The following OR9Q1 variants were observed in gnomAD, a reference collection of about 807,000 sequenced individuals.
OR9Q1 encodes the protein olfactory receptor 9Q1.
For synonymous variants in OR9Q1, 153 were observed against 148.6 expected, an observed-to-expected ratio of 1.03 and a Z score of -0.22; for missense variants, 374 against 378.8, an observed-to-expected ratio of 0.99 and a Z score of 0.11.
chr11:58,140,558 G>T (rs556889128), intron 2 of OR9Q1, among the ~76,000 whole-genome samples: 17 of 152,204 alleles, frequency 1.1e-4, no homozygotes, highest in East Asian at 5.8e-4. Flanking sequence ...TTTCCCCATT[G>T]CTTGTTTTTG....
intron 2 of OR9Q1, among the ~76,000 whole-genome samples, chr11:58,071,815 A>C (rs1285001094): frequency 1.3e-5 from 2 of 152,242 alleles, no homozygotes; most frequent in African/African-American, 4.8e-5. Flanking sequence ...ACAAAATTAG[A>C]CAAATCTATC....
Position 58,180,290 on chromosome 11 carries a change from C to T in OR9Q1, c.846C>T (p.Pro282=). ...VVSVLYTEVI[P]MLNPLIYSLR... ...CTGTGCTTTACACAGAGGTCATCCC[C>T]ATGTTGAATCCCCTCATCTACAGCC... The change falls in exon 3 of 3, where the codon CCC becomes CCT. Residue 282 remains proline (P), a synonymous_variant. Coordinates refer to ENST00000335397, the MANE Select transcript of OR9Q1 (RefSeq NM_001005212.4). The T allele has an allele frequency of 6.2e-7, 1 of 1,613,868 alleles. No individual in the cohort carries two copies. Among genetic ancestry groups the T allele is most frequent in the Non-Finnish European group, 8.5e-7 (1 of 1,179,806 alleles).
intron 2 of OR9Q1, among the ~76,000 whole-genome samples, chr11:58,121,617 C>T (rs1179292313): frequency 6.6e-6 from 1 of 152,206 alleles, no homozygotes; most frequent in Non-Finnish European, 1.5e-5. Flanking sequence ...CTTAATCTTA[C>T]ACCCCCAACT....
intron 2 of OR9Q1, among the ~76,000 whole-genome samples, chr11:58,075,994 A>G (rs1853535451): frequency 6.6e-6 from 1 of 152,292 alleles, no homozygotes; most frequent in Non-Finnish European, 1.5e-5. Flanking sequence ...TTATAAGTCT[A>G]TTGCAATACA....
intron 2 of OR9Q1, among the ~76,000 whole-genome samples, chr11:58,132,129 C>T (rs902363883): frequency 6.6e-6 from 1 of 152,196 alleles, no homozygotes; most frequent in African/African-American, 2.4e-5. Flanking sequence ...GAGCAATCTA[C>T]TTGCAGAGCT....
intron 1 of OR9Q1, among the ~76,000 whole-genome samples, chr11:58,024,375 T>C (rs773762092): frequency 6.6e-6 from 1 of 152,012 alleles, no homozygotes; most frequent in African/African-American, 2.4e-5. Context: ...AATCATTTCC[T>C]GGATCTTAGT....
At chr11:58,168,214 T>C (rs1854523722) in intron 2 of OR9Q1, among the ~76,000 whole-genome samples, 1 of 152,228 alleles carries the variant, frequency 6.6e-6, no homozygotes, top group South Asian at 2.1e-4. Flanking sequence ...ATTCTTGAAA[T>C]CCTTTGTGTT....
intron 1 of OR9Q1, among the ~76,000 whole-genome samples, chr11:58,043,242 C>G (rs555679051): frequency 6.6e-6 from 1 of 152,138 alleles, no homozygotes; most frequent in African/African-American, 2.4e-5. Context: ...CAGCTTCATT[C>G]GGTGGAAACT....
At chr11:58,110,888 G>A (rs539229991) in intron 2 of OR9Q1, among the ~76,000 whole-genome samples, 46 of 152,254 alleles carry the variant, frequency 3.0e-4, no homozygotes, top group Middle Eastern at 3.4e-3. Flanking sequence ...GAGAGTGGGT[G>A]GAGTCGCCTC....
chr11:58,175,670 GTT>G (rs969264650), intron 2 of OR9Q1, among the ~76,000 whole-genome samples: 48 of 151,172 alleles, frequency 3.2e-4, no homozygotes, highest in African/African-American at 1.1e-3. Flanking sequence ...AGGCATTGTG[GTT>G]TTTTTTTGTT....
chr11:58,123,122 T>G (rs1854052423), intron 2 of OR9Q1, among the ~76,000 whole-genome samples: 1 of 152,188 alleles, frequency 6.6e-6, no homozygotes, highest in Non-Finnish European at 1.5e-5. Flanking sequence ...AATGAGGAAT[T>G]TAAATCTTTG....
At chr11:58,030,186 G>A (rs1005117664) in intron 1 of OR9Q1, among the ~76,000 whole-genome samples, 1 of 152,052 alleles carries the variant, frequency 6.6e-6, no homozygotes, top group Admixed American at 6.6e-5. Context: ...CCTTCTAAGG[G>A]GTAAAAAGAA....
chr11:58,052,976 T>C (rs906722744), intron 1 of OR9Q1, among the ~76,000 whole-genome samples: 1 of 151,158 alleles, frequency 6.6e-6, no homozygotes, highest in Non-Finnish European at 1.5e-5. Context: ...TGTGGAGAAA[T>C]AGGAACACTT....
intron 1 of OR9Q1, chr11:58,031,891 T>A: frequency 5.6e-6 from 9 of 1,611,020 alleles, no homozygotes; most frequent in Non-Finnish European, 7.6e-6. Flanking sequence ...CTCTCAACTT[T>A]TGGAAGGGAC....
intron 2 of OR9Q1, among the ~76,000 whole-genome samples, chr11:58,168,410 T>C (rs1017734485): frequency 6.6e-6 from 1 of 152,208 alleles, no homozygotes; most frequent in Non-Finnish European, 1.5e-5. Context: ...TATATTCAAA[T>C]TGCCAGCAAT....
At chr11:58,024,613 C>T (rs1852952628) in intron 1 of OR9Q1, among the ~76,000 whole-genome samples, 1 of 152,176 alleles carries the variant, frequency 6.6e-6, no homozygotes, top group African/African-American at 2.4e-5. Flanking sequence ...TTGAGGACAC[C>T]AAATTGGGCC....
intron 2 of OR9Q1, among the ~76,000 whole-genome samples, chr11:58,071,584 C>G (rs1467670328): frequency 6.6e-6 from 1 of 151,946 alleles, no homozygotes; most frequent in East Asian, 1.9e-4. Flanking sequence ...TTAAATCTAC[C>G]CTGCAAAGGG....
chr11:58,074,695 A>G (rs748495849), intron 2 of OR9Q1, among the ~76,000 whole-genome samples: 20 of 151,992 alleles, frequency 1.3e-4, no homozygotes, highest in Admixed American at 1.3e-3. Flanking sequence ...CTATGTCCTG[A>G]GTGGTATTGC....
intron 1 of OR9Q1, among the ~76,000 whole-genome samples, chr11:58,043,066 T>C (rs1354318248): frequency 6.6e-6 from 1 of 152,218 alleles, no homozygotes; most frequent in Non-Finnish European, 1.5e-5. Flanking sequence ...TGGGGTTTTC[T>C]AGATATACAA....
Sources: allele counts gnomAD v4.1 joint callset (sites outside exome capture counted in the v4.1 genomes callset), GRCh38; gene constraint gnomAD v4.1.1; transcripts MANE v1.5; gene names NCBI Gene and HGNC (gene_info 2026-07-23, HGNC 2026-07-21).